Variants in MBP observed in about 807,000 individuals in gnomAD.
MBP encodes myelin basic protein, also known as Golli-MBP.
MBP carries 16 observed loss-of-function variants against 35.8 expected under a neutral mutation model. That is an observed-to-expected ratio of 0.45 (90% CI 0.30 to 0.68). MBP has a LOEUF of 0.68. Among genes scored for constraint, MBP ranks in the 30% least tolerant of loss-of-function variants. The pLI is 0.08. For synonymous variants in MBP, 143 were observed against 159.6 expected, an observed-to-expected ratio of 0.90 and a Z score of 0.78; for missense variants, 380 against 404.7, an observed-to-expected ratio of 0.94 and a Z score of 0.52.
chr18:77,080,541 T>C (rs1974849300), intron 2 of MBP, among the ~76,000 whole-genome samples: 1 of 152,372 alleles, frequency 6.6e-6, no homozygotes, highest in South Asian at 2.1e-4. Context: ...CATTGGCAGA[T>C]GTCCCGTAGG....
intron 2 of MBP, among the ~76,000 whole-genome samples, chr18:77,077,494 C>T (rs1974712619): frequency 6.6e-6 from 1 of 152,190 alleles, no homozygotes; most frequent in Non-Finnish European, 1.5e-5. Context: ...TAAACCATTT[C>T]CCCAAAATGT....
At chr18:77,076,458 A>G (rs1390579438) in intron 2 of MBP, among the ~76,000 whole-genome samples, 1 of 152,236 alleles carries the variant, frequency 6.6e-6, no homozygotes, top group East Asian at 1.9e-4. Context: ...GGCTTGGGCC[A>G]TGCCAAGGCC....
chr18:77,075,795 C>T (rs1974626557), intron 2 of MBP, among the ~76,000 whole-genome samples: 1 of 152,070 alleles, frequency 6.6e-6, no homozygotes, highest in Non-Finnish European at 1.5e-5. Flanking sequence ...CCATATAAAA[C>T]AATATTAAAA....
At chr18:76,985,623 A>C in intron 7 of MBP, 2 of 1,055,678 alleles carry the variant, frequency 1.9e-6, no homozygotes, top group South Asian at 6.0e-5. Context: ...CCTGGCTGGC[A>C]CGGGGGGCGG....
chr18:77,092,768 C>A (rs1323899601), intron 2 of MBP, among the ~76,000 whole-genome samples: 1 of 152,066 alleles, frequency 6.6e-6, no homozygotes, highest in East Asian at 1.9e-4. Context: ...ACTAGCCAGA[C>A]CCCTCGGAGA....
intron 3 of MBP, among the ~76,000 whole-genome samples, chr18:77,023,594 T>C (rs1379820186): frequency 1.3e-5 from 2 of 152,174 alleles, no homozygotes; most frequent in Admixed American, 6.5e-5. Flanking sequence ...CTCATGCGCC[T>C]GCACGGACTC....
chr18:77,111,985 C>G (rs575239621), intron 1 of MBP, among the ~76,000 whole-genome samples: 1 of 152,302 alleles, frequency 6.6e-6, no homozygotes, highest in African/African-American at 2.4e-5. Context: ...TCTCTCTCCC[C>G]CGACGTCCCT....
intron 8 of MBP, chr18:76,982,772 A>G (rs1339000302): frequency 1.3e-5 from 2 of 152,244 alleles, no homozygotes; most frequent in Non-Finnish European, 2.9e-5. Context: ...AAGTGCTCCA[A>G]GTCAACTAAT....
chr18:77,092,103 T>G (rs768742827), intron 2 of MBP, among the ~76,000 whole-genome samples: 17 of 152,272 alleles, frequency 1.1e-4, no homozygotes, highest in South Asian at 6.2e-4. Context: ...GCACAGATTT[T>G]AGACGAAAGG....
At chr18:77,024,605 C>T (rs932788783) in intron 3 of MBP, among the ~76,000 whole-genome samples, 2 of 152,228 alleles carry the variant, frequency 1.3e-5, no homozygotes, top group Admixed American at 6.5e-5. Flanking sequence ...CCCAGGCCCT[C>T]GTGCTCTGCA....
intron 3 of MBP, among the ~76,000 whole-genome samples, chr18:77,040,662 C>G (rs1254534615): frequency 1.3e-5 from 2 of 152,112 alleles, no homozygotes; most frequent in Non-Finnish European, 2.9e-5. Flanking sequence ...ACAAACCTGA[C>G]AAAAACAAGA....
At chr18:77,076,970 GA>G (rs1974677462) in intron 2 of MBP, among the ~76,000 whole-genome samples, 1 of 152,192 alleles carries the variant, frequency 6.6e-6, no homozygotes, top group Non-Finnish European at 1.5e-5. Flanking sequence ...ACAAGAGTGA[GA>G]ATAATAGTAC....
At chr18:77,054,202 A>T (rs928553881) in intron 3 of MBP, among the ~76,000 whole-genome samples, 2 of 152,202 alleles carry the variant, frequency 1.3e-5, no homozygotes, top group Non-Finnish European at 2.9e-5. Context: ...CTGAGCTATG[A>T]TGTGAGTGGA....
In MBP at chr18:77,064,548, G is replaced by A. The variant is rs906723420; in HGVS notation, c.139+1750C>T. Among the ~76,000 whole-genome samples, 5 of 152,264 alleles carry A rather than the reference G, an allele frequency of 3.3e-5. 1 individual carries two copies. The Middle Eastern group carries it at 0.01, about 311-fold the overall frequency. ...TTGAGTTATGTTGATTTTCATGGACGCTTAAGATATTGAAACAGTCGGTAG... is the reference window on the plus strand; with the variant it reads ...TTGAGTTATGTTGATTTTCATGGACACTTAAGATATTGAAACAGTCGGTAG... On this transcript the variant is annotated intron_variant, in intron 3 of 8. Coordinates refer to ENST00000355994, the MANE Select transcript of MBP (RefSeq NM_001025101.2).
At chr18:77,084,476 C>T (rs1019313391) in intron 2 of MBP, among the ~76,000 whole-genome samples, 5 of 148,718 alleles carry the variant, frequency 3.4e-5, no homozygotes, top group Non-Finnish European at 5.9e-5. Context: ...CACACACTTC[C>T]GTGAGGACAG....
At chr18:77,009,704 T>C in intron 4 of MBP, 1 of 706,492 alleles carries the variant, frequency 1.4e-6, no homozygotes. Flanking sequence ...CCTGCCTCCC[T>C]GCTTTCACGG....
In MBP at chr18:77,121,791, G is replaced by T. The variant is rs939234831; in HGVS notation, c.-26+10789C>A. Among the ~76,000 whole-genome samples the T allele has an allele frequency of 2.6e-5, 4 of 152,108 alleles. No individual in the cohort carries two copies. In the East Asian group the frequency reaches 7.7e-4, roughly 29 times the overall value. On this transcript the variant is annotated intron_variant, in intron 1 of 8. Coordinates refer to ENST00000355994, the MANE Select transcript of MBP (RefSeq NM_001025101.2). ...ATTTCTAGAAAGACCAGCTGTAGCT[G>T]GTGCTCACACTTCATAAATCTTGCT...
At chr18:76,987,782 A>G (rs1341773010) in intron 7 of MBP, 5 of 1,015,120 alleles carry the variant, frequency 4.9e-6, no homozygotes, top group Non-Finnish European at 5.9e-6. Flanking sequence ...GCTAGTAACT[A>G]AAGTCTGTAA....
At chr18:77,100,731 T>G (rs1975975198) in intron 2 of MBP, among the ~76,000 whole-genome samples, 1 of 152,060 alleles carries the variant, frequency 6.6e-6, no homozygotes, top group African/African-American at 2.4e-5. Flanking sequence ...TTTTGATTTT[T>G]TTGTAGAGAT....
Sources: allele counts gnomAD v4.1 joint callset (sites outside exome capture counted in the v4.1 genomes callset), GRCh38; gene constraint gnomAD v4.1.1; transcripts MANE v1.5; gene names NCBI Gene and HGNC (gene_info 2026-07-23, HGNC 2026-07-21).